CPED1: variants seen among roughly 807,000 people sequenced by gnomAD.
The protein encoded by CPED1 is cadherin-like and PC-esterase domain-containing protein 1.
CPED1 carries 114 observed loss-of-function variants against 128.2 expected under a neutral mutation model. The ratio of observed to expected loss-of-function variants is 0.89; its 90% confidence interval spans 0.76 to 1.04. CPED1 has a LOEUF of 1.04. CPED1 is among the 50% of genes least tolerant of loss of function. The pLI, the probability that CPED1 is intolerant of heterozygous loss-of-function variation, is 0.00. For missense variants in CPED1, 1,211 were observed against 1,207.1 expected (o/e 1.00, Z -0.05); for synonymous variants, 462 against 426.7 (o/e 1.08, Z -1.02).
chr7:121,236,679 T>G (rs765152926), intron 16 of CPED1, 35 bp from the exon 17 acceptor site: 11 of 1,286,162 alleles, frequency 8.6e-6, no homozygotes, highest in Non-Finnish European at 1.2e-5. Flanking sequence ...TCAAGTTAAT[T>G]AATACAACAA....
At chr7:121,227,606 C>T (rs558887458) in intron 16 of CPED1, among the ~76,000 whole-genome samples, 10 of 152,134 alleles carry the variant, frequency 6.6e-5, no homozygotes, top group South Asian at 2.1e-4. Context: ...TTGGGAAAGT[C>T]AGCTATATAT....
At position 121,092,005 on chromosome 7, in the gene CPED1, T is replaced by G. The variant is rs181502323; in HGVS notation, c.617-5694T>G. On this transcript the variant is annotated intron_variant, in intron 5 of 22. Coordinates refer to ENST00000310396, the MANE Select transcript of CPED1 (RefSeq NM_024913.5). Reference sequence around the variant, plus strand: ...CCCTAGGCCTCTAAATCCTTAACTTTCTCAGTGTCCTTGTAAGGAGCAGCC... The same window carrying G: ...CCCTAGGCCTCTAAATCCTTAACTTGCTCAGTGTCCTTGTAAGGAGCAGCC... 4.6e-5 allele frequency among the ~76,000 whole-genome samples: 7 copies of G among 152,292 alleles called. No individual in the cohort carries two copies. The East Asian group carries it at 1.4e-3, about 29-fold the overall frequency.
chr7:121,239,916 G>A (rs1011500671), intron 17 of CPED1, among the ~76,000 whole-genome samples: 1 of 152,124 alleles, frequency 6.6e-6, no homozygotes, highest in Non-Finnish European at 1.5e-5. Flanking sequence ...GATTCATTCA[G>A]TGTTCAAATA....
At chr7:121,144,127 C>T (rs981185275) in intron 16 of CPED1, among the ~76,000 whole-genome samples, 2 of 151,944 alleles carry the variant, frequency 1.3e-5, no homozygotes, top group Non-Finnish European at 1.5e-5. Context: ...AGAACAGTAT[C>T]GAGGTTTCTC....
chr7:121,281,162 A>C (rs1010764808), intron 22 of CPED1, among the ~76,000 whole-genome samples: 10 of 152,204 alleles, frequency 6.6e-5, no homozygotes, highest in Admixed American at 6.5e-4. Flanking sequence ...GATCAATCTT[A>C]AGAAAGGTAT....
chr7:121,284,361 C>T (rs1030840545), intron 22 of CPED1, among the ~76,000 whole-genome samples: 1 of 152,122 alleles, frequency 6.6e-6, no homozygotes, highest in African/African-American at 2.4e-5. Context: ...TATCATTCTG[C>T]CCCTGGCTCC....
intron 18 of CPED1, among the ~76,000 whole-genome samples, chr7:121,256,139 AAACAAAG>A (rs1791866498): frequency 1.3e-5 from 2 of 148,848 alleles, no homozygotes; most frequent in African/African-American, 5.0e-5. Flanking sequence ...CAAAAAAAAA[AAACAAAG>A]CTTATGCCAA....
intron 4 of CPED1, chr7:121,051,453 T>C (rs568382000): frequency 8.0e-6 from 4 of 497,490 alleles, no homozygotes. Context: ...TATTGAATTA[T>C]GGGAGGCTTT....
At chr7:121,226,937 A>G (rs950084636) in intron 16 of CPED1, among the ~76,000 whole-genome samples, 1 of 152,144 alleles carries the variant, frequency 6.6e-6, no homozygotes, top group African/African-American at 2.4e-5. Flanking sequence ...GACCATGTAA[A>G]CACAGAAAAT....
chr7:121,127,183 C>T lies in CPED1; in HGVS notation c.1228C>T (p.Leu410Phe), dbSNP rs1394347171. The change falls in exon 10 of 23, where the codon CTC becomes TTC. Residue 410 changes from leucine to phenylalanine, a missense_variant. Transcript: ENST00000310396. ...EFLLNDTFNF[L>F]FPNESSLSIF... ...CCTTTTAAATGACACTTTCAATTTTCTCTTCCCTAATGAATCATCACTTTC... is the reference window on the plus strand; with the variant it reads ...CCTTTTAAATGACACTTTCAATTTTTTCTTCCCTAATGAATCATCACTTTC... 2 of 1,592,658 alleles carry T rather than the reference C, an allele frequency of 1.3e-6. No individual in the cohort carries two copies. The highest frequency in any genetic ancestry group is 1.3e-5 in the African/African-American group (1 of 74,542).
intron 17 of CPED1, among the ~76,000 whole-genome samples, chr7:121,243,289 T>G (rs1037762841): frequency 1.8e-4 from 27 of 152,116 alleles, no homozygotes; most frequent in Non-Finnish European, 1.5e-5. Context: ...TCATATGATG[T>G]GCTATGTTCA....
At chr7:121,087,003 CA>C (rs1245777780) in intron 5 of CPED1, among the ~76,000 whole-genome samples, 5 of 152,208 alleles carry the variant, frequency 3.3e-5, no homozygotes, top group Admixed American at 1.3e-4. Flanking sequence ...CCAGGCATAG[CA>C]GGGGACCTAG....
intron 16 of CPED1, among the ~76,000 whole-genome samples, chr7:121,194,036 ATATATATATATAT>A (rs1563060900): frequency 1.9e-5 from 2 of 105,750 alleles, no homozygotes; most frequent in African/African-American, 7.8e-5. Context: ...ATATATATAT[ATATATATATATAT>A]TTTTTTTTTT....
chr7:121,174,931 A>T (rs1796741836), intron 16 of CPED1, among the ~76,000 whole-genome samples: 1 of 152,012 alleles, frequency 6.6e-6, no homozygotes, highest in African/African-American at 2.4e-5. Context: ...CATTGTAGAG[A>T]TCATTCACCT....
intron 2 of CPED1, among the ~76,000 whole-genome samples, chr7:120,997,933 AAAATAAAAT>A (rs1796436120): frequency 1.7e-3 from 10 of 5,848 alleles, no homozygotes; most frequent in South Asian, 0.014. Context: ...GAAAAAAAAT[AAAATAAAAT>A]AAAATAAAAT....
intron 16 of CPED1, among the ~76,000 whole-genome samples, chr7:121,183,760 A>G (rs576026430): frequency 1.2e-4 from 18 of 152,308 alleles, no homozygotes; most frequent in Admixed American, 1.2e-3. Flanking sequence ...ATATAAACTG[A>G]GAATAAAGCA....
chr7:121,188,733 G>T (rs1449088690), intron 16 of CPED1, among the ~76,000 whole-genome samples: 1 of 152,046 alleles, frequency 6.6e-6, no homozygotes, highest in Non-Finnish European at 1.5e-5. Context: ...AGCCAAGAAG[G>T]AATGGGAGTA....
At chr7:121,006,297 A>G (rs1275129866) in intron 2 of CPED1, among the ~76,000 whole-genome samples, 2 of 151,822 alleles carry the variant, frequency 1.3e-5, no homozygotes, top group Non-Finnish European at 2.9e-5. Flanking sequence ...TCAATTCTCT[A>G]TTTTCTTCAT....
chr7:121,095,454 A>T (rs1794675606), intron 5 of CPED1, among the ~76,000 whole-genome samples: 1 of 152,060 alleles, frequency 6.6e-6, no homozygotes. Flanking sequence ...AATGAGAATA[A>T]TTTTAGAGGG....
Sources: gnomAD v4.1 joint callset for allele counts (sites outside exome capture counted in the v4.1 genomes callset) on GRCh38, gnomAD v4.1.1 for gene constraint, MANE v1.5 for transcripts, NCBI Gene and HGNC (gene_info 2026-07-23, HGNC 2026-07-21) for gene names.